Variants in CTNND2 observed in about 807,000 individuals in gnomAD.
The protein encoded by CTNND2 is catenin delta 2, also known as catenin delta-2.
In CTNND2, 22 loss-of-function variants were observed where a neutral mutation model predicts 144.4. The ratio of observed to expected loss-of-function variants is 0.15; its 90% CI spans 0.11 to 0.22. CTNND2 has a LOEUF of 0.22. Among genes scored for constraint, CTNND2 ranks in the 10% least tolerant of loss-of-function variants. CTNND2 has a pLI of 1.00. For synonymous variants in CTNND2, 751 were observed against 695.6 expected (o/e 1.08, Z -1.25); for missense variants, 1,353 against 1,618.8 (o/e 0.84, Z 2.82).
chr5:11,329,581 C>A (rs1752875394), intron 9 of CTNND2, among the ~76,000 whole-genome samples: 1 of 152,230 alleles, frequency 6.6e-6, no homozygotes, highest in Non-Finnish European at 1.5e-5. Flanking sequence ...TTAAGCCAGT[C>A]TGAATTCAGA....
chr5:11,757,813 C>T (rs1236232054), intron 1 of CTNND2, among the ~76,000 whole-genome samples: 2 of 151,938 alleles, frequency 1.3e-5, no homozygotes, highest in African/African-American at 2.4e-5. Flanking sequence ...TAGCACTTTA[C>T]CCACTTTACT....
At chr5:11,868,175 C>G (rs906804835) in intron 1 of CTNND2, among the ~76,000 whole-genome samples, 2 of 152,010 alleles carry the variant, frequency 1.3e-5, no homozygotes, top group Non-Finnish European at 2.9e-5. Flanking sequence ...AATGCAGCCA[C>G]CATCCCAGCT....
At chr5:11,881,039 GTACTACTACTACTACCAC>G (rs1560963207) in intron 1 of CTNND2, among the ~76,000 whole-genome samples, 1 of 145,340 alleles carries the variant, frequency 6.9e-6, no homozygotes, top group African/African-American at 2.5e-5. Flanking sequence ...ACTGCTACTA[GTACTACTACTACTACCAC>G]TACTACTACT....
intron 1 of CTNND2, among the ~76,000 whole-genome samples, chr5:11,871,302 T>C (rs986003250): frequency 6.6e-6 from 1 of 152,234 alleles, no homozygotes; most frequent in Non-Finnish European, 1.5e-5. Flanking sequence ...TGGCTTAGTC[T>C]GTAGATGATA....
chr5:11,586,482 C>T (rs1778870529), intron 2 of CTNND2, among the ~76,000 whole-genome samples: 1 of 152,198 alleles, frequency 6.6e-6, no homozygotes, highest in South Asian at 2.1e-4. Flanking sequence ...AAACTCAACT[C>T]TAAATCAGAA....
At chr5:11,243,836 T>A (rs1035495445) in intron 9 of CTNND2, among the ~76,000 whole-genome samples, 3 of 152,052 alleles carry the variant, frequency 2.0e-5, no homozygotes, top group African/African-American at 7.2e-5. Flanking sequence ...TTGAAAAGAG[T>A]CCCAGGACAA....
At chr5:11,594,574 GAACTA>G (rs374436984) in intron 2 of CTNND2, among the ~76,000 whole-genome samples, 14 of 152,218 alleles carry the variant, frequency 9.2e-5, no homozygotes, top group African/African-American at 3.4e-4. Flanking sequence ...AATAAAAGTA[GAACTA>G]AAGTATAAAG....
chr5:10,973,767 T>G lies in CTNND2; in HGVS notation c.3418-54A>C, dbSNP rs1477892658. The G allele has an allele frequency of 1.3e-6, 2 of 1,527,860 alleles. No homozygotes were observed. Among genetic ancestry groups the G allele is most frequent in the African/African-American group, 1.4e-5 (1 of 72,310 alleles). 94.6% of individuals were successfully genotyped at this position (1,527,860 alleles called of 1,614,324 possible). A position where few individuals can be genotyped will look rare whatever the true frequency, so the allele number is the denominator to read the frequency against. ...TTACTTGGTTTCCCTTGACTCAGCC[T>G]GCCTCTTGCCCCGGCACCCAACTCT... is the stretch of plus-strand genomic sequence containing the variant. On this transcript the variant is annotated intron_variant, in intron 21 of 21. Transcript: ENST00000304623. This position sits in a 1 kb window ranked among gnomAD's most constrained non-coding sequence, Gnocchi z 5.6.
At chr5:11,231,567 T>C (rs1281840817) in intron 10 of CTNND2, among the ~76,000 whole-genome samples, 2 of 152,172 alleles carry the variant, frequency 1.3e-5, no homozygotes, top group Non-Finnish European at 2.9e-5. Context: ...TAGAGATCTG[T>C]GGAGCTTTGA....
chr5:11,289,685 T>C (rs941462814), intron 9 of CTNND2, among the ~76,000 whole-genome samples: 2 of 152,166 alleles, frequency 1.3e-5, no homozygotes, highest in Non-Finnish European at 2.9e-5. Flanking sequence ...CCTTAATCAT[T>C]GGGCTTCTGT....
chr5:11,366,655 T>A (rs1757006767), intron 7 of CTNND2, among the ~76,000 whole-genome samples: 1 of 143,754 alleles, frequency 7.0e-6, no homozygotes, highest in Non-Finnish European at 1.5e-5. Context: ...TTGAAAATAT[T>A]GCTAAGGATT....
intron 3 of CTNND2, among the ~76,000 whole-genome samples, chr5:11,551,432 CTTTTTTTTT>C (rs70949326): frequency 3.0e-5 from 3 of 100,926 alleles, no homozygotes; most frequent in Admixed American, 2.2e-4. Flanking sequence ...TTTCTTTTTT[CTTTTTTTTT>C]TTTTTTTTTT....
At chr5:11,536,180 C>T (rs1405132493) in intron 3 of CTNND2, among the ~76,000 whole-genome samples, 1 of 152,194 alleles carries the variant, frequency 6.6e-6, no homozygotes, top group Non-Finnish European at 1.5e-5. Flanking sequence ...CCTCCCACTT[C>T]AGTCTCCCAC....
intron 3 of CTNND2, among the ~76,000 whole-genome samples, chr5:11,483,669 G>A (rs1460478734): frequency 6.6e-6 from 1 of 152,212 alleles, no homozygotes; most frequent in Non-Finnish European, 1.5e-5. Context: ...CTCCTCGAGA[G>A]TAAGGATCGT....
At chr5:11,509,299 T>C (rs780818940) in intron 3 of CTNND2, among the ~76,000 whole-genome samples, 3 of 152,160 alleles carry the variant, frequency 2.0e-5, no homozygotes, top group African/African-American at 7.2e-5. Context: ...TTTAGACTTA[T>C]AAAAGGTGCC....
intron 2 of CTNND2, among the ~76,000 whole-genome samples, chr5:11,577,969 T>G (rs1327140356): frequency 6.6e-6 from 1 of 152,204 alleles, no homozygotes; most frequent in Non-Finnish European, 1.5e-5. Context: ...ACAGTAGAGC[T>G]TTTCCGTAAT....
At chr5:11,022,635 A>G in intron 17 of CTNND2, 134 bp downstream of exon 17, 2 of 707,738 alleles carry the variant, frequency 2.8e-6, no homozygotes, top group South Asian at 3.5e-5. Context: ...ACCATTTGCC[A>G]TTTTCCTTCT....
chr5:11,492,439 A>G (rs114235352), intron 3 of CTNND2, among the ~76,000 whole-genome samples: 2,390 of 152,026 alleles, frequency 0.016, 60 homozygotes, highest in African/African-American at 0.055. Context: ...ATCTGTACAT[A>G]TGTCTATATA....
Position 10,992,599 on chromosome 5 carries a change from G to A in CTNND2, c.3163C>T (p.Arg1055Cys). The A allele has an allele frequency of 1.9e-6, 3 of 1,614,136 alleles. No homozygotes were observed. Among genetic ancestry groups the A allele is most frequent in the Non-Finnish European group, 2.5e-6 (3 of 1,180,024 alleles). ...RDRQRPYSSS[R>C]TPSISPVRVS... ...CGCACAGGGGAGATGGAGGGCGTGC[G>A]GGAGGAGGAGTAGGGCCTTTGCCGG... The change falls in exon 19 of 22, where the codon CGC becomes TGC. Residue 1055 changes from arginine (R) to cysteine (C), a missense_variant. Physicochemically the swap from Arg to Cys is radical, Grantham distance 180. Around this residue, in one of 4 missense-constraint regions of CTNND2, gnomAD observed 459 missense variants for 674.3 expected, o/e 0.68. Coordinates refer to ENST00000304623, the MANE Select transcript of CTNND2 (RefSeq NM_001332.4).
Sources: gnomAD v4.1 joint callset for allele counts (sites outside exome capture counted in the v4.1 genomes callset) on GRCh38, gnomAD v4.1.1 for gene constraint, gnomAD v4.1.1 regional missense constraint, Gnocchi (gnomAD v3.1) non-coding constraint, MANE v1.5 for transcripts, NCBI Gene and HGNC (gene_info 2026-07-23, HGNC 2026-07-21) for gene names.